The following ARAP1 variants were observed in gnomAD, a reference collection of about 807,000 sequenced individuals.
ARAP1 encodes the protein arf-GAP with Rho-GAP domain, ANK repeat and PH domain-containing protein 1.
A neutral mutation model predicts 172.2 loss-of-function variants in ARAP1; 76 were observed. The ratio of observed to expected loss-of-function variants is 0.44; its 90% confidence interval spans 0.37 to 0.53. The LOEUF is 0.53. Among genes scored for constraint, ARAP1 ranks in the 20% least tolerant of loss-of-function variants. The pLI is 0.00. For synonymous variants in ARAP1, 804 were observed against 803.3 expected, an observed-to-expected ratio of 1.00 and a Z score of -0.01; for missense variants, 1,686 against 1,977.5, an observed-to-expected ratio of 0.85 and a Z score of 2.80.
In ARAP1 at chr11:72,697,002, T is replaced by A; in HGVS notation, c.3147A>T (p.Leu1049=). 1 of 1,607,070 alleles carries A rather than the reference T, an allele frequency of 6.2e-7. No individual in the cohort carries two copies. The highest frequency in any genetic ancestry group is 8.5e-7 in the Non-Finnish European group (1 of 1,179,712). Residue 1049 remains leucine (L), a synonymous_variant, in exon 22 of 35, where the codon CTA becomes CTT. Coordinates refer to ENST00000393609, the MANE Select transcript of ARAP1 (RefSeq NM_001040118.3). ...PDGLFTRAQR[L]TWLEASEIED... is the part of the protein sequence containing the mutation. ...GCCCACCTGAGGCCTCCAGCCAGGT[T>A]AGGCGCTGGGCGCGAGTGAAGAGCC...
At chr11:72,724,446 G>A (rs188503026) in intron 3 of ARAP1, among the ~76,000 whole-genome samples, 90 of 152,234 alleles carry the variant, frequency 5.9e-4, no homozygotes, top group African/African-American at 1.9e-3. Flanking sequence ...CCCACAAGGC[G>A]GGGGTGGGCA....
At position 72,712,571 on chromosome 11, in the gene ARAP1, G is replaced by GC; in HGVS notation, c.748-4dup. 1 of 1,611,422 alleles carries GC rather than the reference G, an allele frequency of 6.2e-7. No homozygotes were observed. Among genetic ancestry groups the GC allele is most frequent in the Non-Finnish European group, 8.5e-7 (1 of 1,179,816 alleles). On this transcript the variant is annotated splice_region_variant and splice_polypyrimidine_tract_variant and intron_variant, in intron 5 of 34. Coordinates refer to ENST00000393609, the MANE Select transcript of ARAP1 (RefSeq NM_001040118.3). ...ACTCGGCTCGGTGGGGGCTCCTCCTGCCCCCGAGACCCACTCAGCGTCATC... is the reference window on the plus strand; with the variant it reads ...ACTCGGCTCGGTGGGGGCTCCTCCTGCCCCCCGAGACCCACTCAGCGTCATC...
chr11:72,738,972 G>C (rs1031928225), intron 1 of ARAP1, among the ~76,000 whole-genome samples: 1 of 151,982 alleles, frequency 6.6e-6, no homozygotes, highest in African/African-American at 2.4e-5. Flanking sequence ...GGGCCTCTTC[G>C]GTCTGCTGCC....
chr11:72,687,344 G>T (rs558764767), intron 33 of ARAP1, 95 bp downstream of exon 33: 3 of 1,460,506 alleles, frequency 2.1e-6, no homozygotes, highest in East Asian at 4.6e-5. Context: ...CTTGAAGCAA[G>T]GGGTGGGTTG....
rs188588700 is a variant in ARAP1, at chr11:72,705,609, T to C, written c.1809+196A>G. The C allele has an allele frequency of 6.6e-5, 35 of 528,756 alleles. No homozygotes were observed. In the African/African-American group the frequency reaches 6.7e-4, roughly 10 times the overall value. The allele number at this position is 528,756 out of a possible 1,614,324, so 32.8% of individuals were successfully genotyped here. ...ATAACACTTTACAACTATAAAAACA[T>C]TCTTAGCTCACTGGCCAGTTTGCTG... On this transcript the variant is annotated intron_variant, in intron 13 of 34. Coordinates refer to ENST00000393609, the MANE Select transcript of ARAP1 (RefSeq NM_001040118.3).
intron 3 of ARAP1, among the ~76,000 whole-genome samples, chr11:72,719,921 T>C (rs540072101): frequency 6.6e-6 from 1 of 152,268 alleles, no homozygotes; most frequent in African/African-American, 2.4e-5. Flanking sequence ...GCCCAAATCA[T>C]ACATCCATCC....
chr11:72,721,750 G>C, intron 3 of ARAP1: 1 of 973,470 alleles, frequency 1.0e-6, no homozygotes, highest in African/African-American at 1.7e-5. Flanking sequence ...GAGCAGCACA[G>C]AAAACCAGGC....
At chr11:72,735,337 G>A (rs374976441) in intron 1 of ARAP1, among the ~76,000 whole-genome samples, 149 of 152,052 alleles carry the variant, frequency 9.8e-4, no homozygotes, top group African/African-American at 3.3e-3. Flanking sequence ...AGGGCCGGGC[G>A]CAGTGGCTCA....
At chr11:72,729,819 G>A (rs1384549391) in intron 2 of ARAP1, among the ~76,000 whole-genome samples, 1 of 151,704 alleles carries the variant, frequency 6.6e-6, no homozygotes, top group Non-Finnish European at 1.5e-5. Context: ...TGAGGATGAG[G>A]TGGGAGAATT....
At chr11:72,687,637 G>A (rs564308923) in intron 32 of ARAP1, 51 bp downstream of exon 32, 188 of 1,613,474 alleles carry the variant, frequency 1.2e-4, no homozygotes, top group Middle Eastern at 1.7e-4. Flanking sequence ...GAAGGGGGAC[G>A]TGCCACCATC....
Position 72,713,170 on chromosome 11 carries a change from C to A in ARAP1, c.747+6G>T, listed in dbSNP as rs1054304065. ...GACAGGCAGACAGTCCCATGCCTGG[C>A]CCCACCTTCTTGGTCATCACTCTGG... On this transcript the variant is annotated splice_donor_region_variant and intron_variant, in intron 5 of 34. Transcript: ENST00000393609. 15 of 1,613,738 alleles carry A rather than the reference C, an allele frequency of 9.3e-6. No homozygotes were observed. In the Admixed American group the frequency reaches 1.5e-4, roughly 16 times the overall value.
intron 33 of ARAP1, 145 bp from the exon 34 acceptor site, chr11:72,686,336 G>C (rs538240216): frequency 1.1e-4 from 123 of 1,118,078 alleles, no homozygotes; most frequent in Non-Finnish European, 1.1e-4. Context: ...ATGAGAAGCA[G>C]CTGTGGGGAG....
intron 12 of ARAP1, 147 bp from the exon 13 acceptor site, chr11:72,706,037 G>GC: frequency 1.4e-6 from 1 of 697,526 alleles, no homozygotes; most frequent in South Asian, 1.8e-5. Flanking sequence ...CTGGAATCCA[G>GC]CCGTGTACTC....
At chr11:72,721,856 A>G (rs1857523997) in intron 3 of ARAP1, 1 of 985,500 alleles carries the variant, frequency 1.0e-6, no homozygotes, top group African/African-American at 1.7e-5. Context: ...TTACCCTCAG[A>G]CGCCTGCTGG....
At chr11:72,714,952 A>T (rs779921089) in intron 3 of ARAP1, among the ~76,000 whole-genome samples, 11 of 152,026 alleles carry the variant, frequency 7.2e-5, no homozygotes, top group Non-Finnish European at 1.6e-4. Context: ...TCCCCAGGGA[A>T]CCCTCCCCTG....
chr11:72,731,378 A>G (rs922355857), intron 2 of ARAP1, among the ~76,000 whole-genome samples: 1 of 152,160 alleles, frequency 6.6e-6, no homozygotes, highest in African/African-American at 2.4e-5. Flanking sequence ...CCATGGTAAC[A>G]AGTGAGTTAT....
At position 72,693,738 on chromosome 11, in the gene ARAP1, C is replaced by A; in HGVS notation, c.3762G>T (p.Leu1254=). 1.2e-6 allele frequency: 2 copies of A among 1,611,174 alleles called. No individual in the cohort carries two copies. The highest frequency in any genetic ancestry group is 1.3e-5 in the African/African-American group (1 of 74,964). Reference sequence around the variant, plus strand: ...CCATGGCCTGGTGCTTCTTCACCACCAGGTGGCTGTCCGTGCCCAGCCCGT... The same window carrying A: ...CCATGGCCTGGTGCTTCTTCACCACAAGGTGGCTGTCCGTGCCCAGCCCGT... The part of the protein sequence containing the change: ...ILHGLGTDSH[L]VVKKHQAMEA... The change falls in exon 28 of 35, where the codon CTG becomes CTT. Residue 1254 remains leucine, a synonymous_variant. Coordinates refer to ENST00000393609, the MANE Select transcript of ARAP1 (RefSeq NM_001040118.3). This position sits in a 1 kb window ranked among gnomAD's most constrained non-coding sequence, Gnocchi z 4.6.
At chr11:72,724,654 T>C (rs1033672651) in intron 3 of ARAP1, among the ~76,000 whole-genome samples, 2 of 152,082 alleles carry the variant, frequency 1.3e-5, no homozygotes, top group African/African-American at 4.8e-5. Flanking sequence ...CCATACACTC[T>C]CTGAGTTGAG....
intron 1 of ARAP1, among the ~76,000 whole-genome samples, chr11:72,746,856 A>G (rs1858382990): frequency 6.6e-6 from 1 of 152,236 alleles, no homozygotes; most frequent in African/African-American, 2.4e-5. Context: ...TAGAGGCCTG[A>G]GGCAGACCCT....
Sources: gnomAD v4.1 joint callset for allele counts (sites outside exome capture counted in the v4.1 genomes callset) on GRCh38, gnomAD v4.1.1 for gene constraint, Gnocchi (gnomAD v3.1) non-coding constraint, MANE v1.5 for transcripts, NCBI Gene and HGNC (gene_info 2026-07-23, HGNC 2026-07-21) for gene names.